Variants in CSMD3 observed in about 807,000 individuals in gnomAD.
CSMD3 encodes CUB and Sushi multiple domains 3.
CSMD3 carries 177 observed loss-of-function variants against 435.2 expected under a neutral mutation model. That is an observed-to-expected ratio of 0.41 (90% CI 0.36 to 0.46). The LOEUF (loss-of-function observed/expected upper bound fraction) is 0.46, where lower values mean the gene tolerates loss of function less well. Among genes scored for constraint, CSMD3 ranks in the 20% least tolerant of loss-of-function variants. The pLI, the probability that CSMD3 is intolerant of heterozygous loss-of-function variation, is 0.34. For synonymous variants in CSMD3, 1,656 were observed against 1,520.5 expected (o/e 1.09, Z -2.07); for missense variants, 4,265 against 4,504.6 (o/e 0.95, Z 1.52).
chr8:113,398,266 G>T lies in CSMD3; in HGVS notation c.178+38411C>A, dbSNP rs899300. On this transcript the variant is annotated intron_variant, in intron 1 of 70. Coordinates refer to ENST00000297405, the MANE Select transcript of CSMD3 (RefSeq NM_198123.2). ...TATATTAATTTTCTTTTCCCAAGTGGATATCCAATTGTCCCAAAGCTATTT... is the reference window on the plus strand; with the variant it reads ...TATATTAATTTTCTTTTCCCAAGTGTATATCCAATTGTCCCAAAGCTATTT... Among the ~76,000 whole-genome samples, 365 of 152,138 alleles carry T rather than the reference G, an allele frequency of 2.4e-3. 1 individual carries two copies. The highest frequency in any genetic ancestry group is 8.4e-3 in the African/African-American group (349 of 41,496).
chr8:112,908,029 A>T (rs113358066), intron 10 of CSMD3, among the ~76,000 whole-genome samples: 5,096 of 151,484 alleles, frequency 0.034, 147 homozygotes, highest in Middle Eastern at 0.051. Flanking sequence ...AACAAAAAAC[A>T]TGATAATATT....
At chr8:112,750,096 T>C (rs1045823778) in intron 13 of CSMD3, among the ~76,000 whole-genome samples, 4 of 152,056 alleles carry the variant, frequency 2.6e-5, no homozygotes, top group Non-Finnish European at 4.4e-5. Flanking sequence ...TAAGTCGATG[T>C]AGAGTGTGGT....
At chr8:113,084,314 A>G (rs1315227350) in intron 5 of CSMD3, among the ~76,000 whole-genome samples, 1 of 152,082 alleles carries the variant, frequency 6.6e-6, no homozygotes, top group Non-Finnish European at 1.5e-5. Flanking sequence ...CTAATAGCAA[A>G]CTAGTTAAAA....
At chr8:112,438,068 T>C (rs900398112) in intron 32 of CSMD3, among the ~76,000 whole-genome samples, 14 of 152,186 alleles carry the variant, frequency 9.2e-5, no homozygotes, top group African/African-American at 3.4e-4. Flanking sequence ...TCTCCAACTA[T>C]GCCCAAGCAA....
At chr8:112,231,866 T>C (rs1373745543) in intron 68 of CSMD3, among the ~76,000 whole-genome samples, 1 of 152,234 alleles carries the variant, frequency 6.6e-6, no homozygotes. Context: ...TGGTTATTAA[T>C]GTATGATATA....
At chr8:112,694,272 A>C (rs2076204419) in intron 13 of CSMD3, among the ~76,000 whole-genome samples, 1 of 152,128 alleles carries the variant, frequency 6.6e-6, no homozygotes, top group South Asian at 2.1e-4. Context: ...TATGATGAAA[A>C]GGCACAGGAG....
intron 5 of CSMD3, among the ~76,000 whole-genome samples, chr8:113,050,378 T>C (rs1011431448): frequency 6.6e-6 from 1 of 152,078 alleles, no homozygotes. Flanking sequence ...AAAACATTTG[T>C]ATTCTACACA....
At chr8:112,227,623 G>C (rs1259538640) in intron 70 of CSMD3, among the ~76,000 whole-genome samples, 1 of 152,138 alleles carries the variant, frequency 6.6e-6, no homozygotes, top group African/African-American at 2.4e-5. Flanking sequence ...AATAAATTTA[G>C]TGATGATTAT....
At chr8:112,965,439 G>A (rs117327773) in intron 7 of CSMD3, among the ~76,000 whole-genome samples, 1,728 of 151,712 alleles carry the variant, frequency 0.011, 11 homozygotes, top group Non-Finnish European at 0.017. Context: ...TCTGATTAAC[G>A]GTTACAGGTG....
At chr8:113,241,887 T>A (rs1237578040) in intron 3 of CSMD3, among the ~76,000 whole-genome samples, 1 of 151,592 alleles carries the variant, frequency 6.6e-6, no homozygotes, top group Non-Finnish European at 1.5e-5. Context: ...CCATGATAGG[T>A]CCTGATGTGC....
At chr8:112,754,032 G>T (rs1563927841) in intron 13 of CSMD3, among the ~76,000 whole-genome samples, 1 of 152,204 alleles carries the variant, frequency 6.6e-6, no homozygotes, top group African/African-American at 2.4e-5. Context: ...GATGAATAAT[G>T]CAAGGTGCAC....
In CSMD3 at chr8:113,022,947, CTA is replaced by C. The variant is rs1258738257; in HGVS notation, c.918-3770_918-3769del. Among the ~76,000 whole-genome samples, 7 of 151,754 alleles carry C rather than the reference CTA, an allele frequency of 4.6e-5. No homozygotes were observed. In the South Asian group the frequency reaches 8.3e-4, roughly 18 times the overall value. On this transcript the variant is annotated intron_variant, in intron 5 of 70. Coordinates refer to ENST00000297405, the MANE Select transcript of CSMD3 (RefSeq NM_198123.2). The stretch of plus-strand genomic sequence containing the variant: ...AAATCATCAATTTATATTTAAAATC[CTA>C]TATGTTTCTATTGTAATTAATCCTT...
chr8:112,597,658 G>A (rs537816603), intron 22 of CSMD3, among the ~76,000 whole-genome samples: 1 of 131,072 alleles, frequency 7.6e-6, no homozygotes, highest in Non-Finnish European at 1.6e-5. Context: ...ACATCGAAAA[G>A]CTTATCCACC....
chr8:112,816,843 T>C, intron 12 of CSMD3, among the ~76,000 whole-genome samples: 1 of 151,576 alleles, frequency 6.6e-6, no homozygotes, highest in East Asian at 1.9e-4. Context: ...TATTTATAAA[T>C]TATTATATTA....
At chr8:113,109,888 A>G (rs2090587331) in intron 4 of CSMD3, among the ~76,000 whole-genome samples, 1 of 152,208 alleles carries the variant, frequency 6.6e-6, no homozygotes, top group South Asian at 2.1e-4. Flanking sequence ...GAAGGCAGCC[A>G]TGACCCCATA....
chr8:112,657,310 G>T (rs2131666732), intron 17 of CSMD3, among the ~76,000 whole-genome samples: 1 of 152,098 alleles, frequency 6.6e-6, no homozygotes, highest in African/African-American at 2.4e-5. Context: ...TGATCCACCT[G>T]TCTTGGCCTC....
chr8:112,391,401 T>C (rs1025112329), intron 35 of CSMD3, among the ~76,000 whole-genome samples: 16 of 152,064 alleles, frequency 1.1e-4, no homozygotes, highest in Non-Finnish European at 1.8e-4. Flanking sequence ...AGATCACATA[T>C]GAAGAGATGA....
chr8:113,065,119 G>A (rs1380184726), intron 5 of CSMD3, among the ~76,000 whole-genome samples: 1 of 152,146 alleles, frequency 6.6e-6, no homozygotes, highest in Non-Finnish European at 1.5e-5. Flanking sequence ...AGGTATAAAT[G>A]TATATCAAAT....
At chr8:112,409,330 T>C (rs561545709) in intron 32 of CSMD3, among the ~76,000 whole-genome samples, 71 of 152,142 alleles carry the variant, frequency 4.7e-4, no homozygotes, top group African/African-American at 1.6e-3. Flanking sequence ...TGATGATTAA[T>C]ACTTTATAGT....
Sources: allele counts gnomAD v4.1 joint callset (sites outside exome capture counted in the v4.1 genomes callset), GRCh38; gene constraint gnomAD v4.1.1; transcripts MANE v1.5; gene names NCBI Gene and HGNC (gene_info 2026-07-23, HGNC 2026-07-21).